The following LPP variants were observed in gnomAD, a reference collection of about 807,000 sequenced individuals.
LPP encodes LIM domain containing preferred translocation partner in lipoma.
Under a neutral mutation model 60.4 loss-of-function variants are expected in LPP, and 38 were observed. That is an observed-to-expected ratio of 0.63 (90% CI 0.49 to 0.83). The LOEUF (loss-of-function observed/expected upper bound fraction) is 0.83, where lower values mean the gene tolerates loss of function less well. LPP is among the 40% of genes least tolerant of loss of function. LPP has a pLI of 0.00. For missense variants in LPP, 902 were observed against 783.6 expected, an observed-to-expected ratio of 1.15 and a Z score of -1.80; for synonymous variants, 328 against 290.8, an observed-to-expected ratio of 1.13 and a Z score of -1.30.
chr3:188,705,685 C>T (rs537796744), intron 7 of LPP, among the ~76,000 whole-genome samples: 3 of 152,082 alleles, frequency 2.0e-5, no homozygotes, highest in South Asian at 2.1e-4. Context: ...TGCAGTGGCA[C>T]GATCTTGGCT....
intron 9 of LPP, among the ~76,000 whole-genome samples, chr3:188,847,638 A>T (rs1761765481): frequency 1.3e-5 from 2 of 152,230 alleles, no homozygotes; most frequent in South Asian, 4.1e-4. Flanking sequence ...AATAACTTTT[A>T]TTGTCTAACT....
At chr3:188,293,081 T>C (rs1746572763) in intron 2 of LPP, among the ~76,000 whole-genome samples, 1 of 152,226 alleles carries the variant, frequency 6.6e-6, no homozygotes, top group Non-Finnish European at 1.5e-5. Context: ...TCTCATACCG[T>C]TAATTTTATT....
At chr3:188,160,700 G>C (rs1296756918) in intron 1 of LPP, among the ~76,000 whole-genome samples, 1 of 152,138 alleles carries the variant, frequency 6.6e-6, no homozygotes, top group African/African-American at 2.4e-5. Context: ...TATTGAGTTC[G>C]GTACTTGTGT....
chr3:188,726,498 G>A (rs1418389610), intron 8 of LPP, among the ~76,000 whole-genome samples: 3 of 152,066 alleles, frequency 2.0e-5, no homozygotes, highest in South Asian at 4.1e-4. Context: ...CTTTTATGGG[G>A]CTTACATTCC....
rs3057956 is a variant in LPP, at chr3:188,825,269, CTGTGTGTGTGTGTG to C, written c.1411-40897_1411-40884del. On this transcript the variant is annotated intron_variant, in intron 9 of 11. Coordinates refer to ENST00000617246, the MANE Select transcript of LPP (RefSeq NM_001375462.1). ...TCTTTCTCTCTCTCTCTCTCTCTCT[CTGTGTGTGTGTGTG>C]TGTGTGTGTGTGTGTGTGTGTGTGT... 9.5e-3 allele frequency among the ~76,000 whole-genome samples: 962 copies of C among 101,742 alleles called. 16 individuals carry two copies. The highest frequency in any genetic ancestry group is 0.033 in the African/African-American group (833 of 25,416). 66.7% of individuals were successfully genotyped at this position (101,742 alleles called of 152,430 possible).
At chr3:188,571,319 TA>T (rs1338119857) in intron 6 of LPP, among the ~76,000 whole-genome samples, 1 of 152,074 alleles carries the variant, frequency 6.6e-6, no homozygotes, top group Non-Finnish European at 1.5e-5. Context: ...ATGTATGTCC[TA>T]GTAGGTATAG....
At chr3:188,790,933 CAA>C (rs68001404) in intron 9 of LPP, among the ~76,000 whole-genome samples, 60,032 of 147,674 alleles carry the variant, frequency 0.41, 13,808 homozygotes, top group East Asian at 0.79. Context: ...GAAAAGTCTT[CAA>C]AAAAAAAAAA....
intron 9 of LPP, among the ~76,000 whole-genome samples, chr3:188,803,664 T>A (rs116347741): frequency 6.6e-6 from 1 of 152,216 alleles, no homozygotes; most frequent in Non-Finnish European, 1.5e-5. Context: ...GTTCCATCAG[T>A]CTGTTAATAT....
intron 1 of LPP, among the ~76,000 whole-genome samples, chr3:188,171,223 C>T (rs540127459): frequency 2.0e-5 from 3 of 152,290 alleles, no homozygotes; most frequent in Admixed American, 6.5e-5. Context: ...ATTGCTTGAT[C>T]CTCCATGTAC....
intron 7 of LPP, among the ~76,000 whole-genome samples, chr3:188,686,217 ATAT>A (rs1194384929): frequency 6.6e-6 from 1 of 152,214 alleles, no homozygotes; most frequent in African/African-American, 2.4e-5. Flanking sequence ...ATTATTAATA[ATAT>A]TATTAAATAT....
intron 5 of LPP, among the ~76,000 whole-genome samples, chr3:188,516,539 T>C (rs1817412556): frequency 6.6e-6 from 1 of 151,988 alleles, no homozygotes; most frequent in South Asian, 2.1e-4. Flanking sequence ...TATGACATAA[T>C]ATAGGTTGTT....
intron 6 of LPP, among the ~76,000 whole-genome samples, chr3:188,586,732 G>GTTTTT (rs11390616): frequency 6.9e-6 from 1 of 144,396 alleles, no homozygotes; most frequent in Non-Finnish European, 1.5e-5. Context: ...CTTAAACATT[G>GTTTTT]TTTTTTTTTT....
At chr3:188,397,619 C>CT (rs373218081) in intron 3 of LPP, among the ~76,000 whole-genome samples, 113 of 144,082 alleles carry the variant, frequency 7.8e-4, no homozygotes, top group South Asian at 1.6e-3. Context: ...ACTTCTTTTT[C>CT]TTTTTTTTTT....
chr3:188,870,770 G>C (rs1023361626), intron 10 of LPP, among the ~76,000 whole-genome samples: 37 of 152,244 alleles, frequency 2.4e-4, no homozygotes, highest in Admixed American at 2.1e-3. Context: ...AACACTGTGG[G>C]GACTATGAGA....
chr3:188,553,215 T>C (rs76790846), intron 6 of LPP, among the ~76,000 whole-genome samples: 1 of 152,180 alleles, frequency 6.6e-6, no homozygotes, highest in Non-Finnish European at 1.5e-5. Context: ...TTGGGACACA[T>C]ATTAGTGCCA....
chr3:188,819,938 A>G (rs1174635444), intron 9 of LPP, among the ~76,000 whole-genome samples: 2 of 152,218 alleles, frequency 1.3e-5, no homozygotes, highest in East Asian at 1.9e-4. Flanking sequence ...CGAAGCAATT[A>G]AGATCGCTGT....
At chr3:188,300,992 C>T (rs895265909) in intron 2 of LPP, among the ~76,000 whole-genome samples, 1 of 152,114 alleles carries the variant, frequency 6.6e-6, no homozygotes, top group Non-Finnish European at 1.5e-5. Flanking sequence ...CCCTTTGTCT[C>T]TATGCATTTC....
At chr3:188,175,398 T>A (rs1006576888) in intron 1 of LPP, among the ~76,000 whole-genome samples, 1 of 152,170 alleles carries the variant, frequency 6.6e-6, no homozygotes, top group African/African-American at 2.4e-5. Context: ...TAGAGTAGAA[T>A]TTTAACTTGC....
intron 1 of LPP, among the ~76,000 whole-genome samples, chr3:188,158,109 G>C (rs1173148730): frequency 6.6e-6 from 1 of 152,168 alleles, no homozygotes; most frequent in Non-Finnish European, 1.5e-5. Context: ...TGTGGGAGTA[G>C]TTATTTGGAT....
Sources: allele counts gnomAD v4.1 joint callset (sites outside exome capture counted in the v4.1 genomes callset), GRCh38; gene constraint gnomAD v4.1.1; transcripts MANE v1.5; gene names NCBI Gene and HGNC (gene_info 2026-07-23, HGNC 2026-07-21).